CSMD1: variants seen among roughly 807,000 people sequenced by gnomAD.
CSMD1 encodes the protein CUB and Sushi multiple domains 1.
CSMD1 carries 213 observed loss-of-function variants against 417.5 expected under a neutral mutation model. That is an observed-to-expected ratio of 0.51 (90% CI 0.46 to 0.57). The LOEUF (loss-of-function observed/expected upper bound fraction) is 0.57, where lower values mean the gene tolerates loss of function less well. Ranked by LOEUF, CSMD1 falls within the 20% of genes least tolerant of loss-of-function variation. The pLI is 0.00. For missense variants in CSMD1, 6,923 were observed against 4,529.7 expected, an observed-to-expected ratio of 1.53 and a Z score of -15.17; for synonymous variants, 2,862 against 1,736.8, an observed-to-expected ratio of 1.65 and a Z score of -16.11.
chr8:3,079,248 G>A (rs1813910141), intron 49 of CSMD1, among the ~76,000 whole-genome samples: 1 of 152,082 alleles, frequency 6.6e-6, no homozygotes. Context: ...TGGACTGTGT[G>A]GATTCACATT....
intron 1 of CSMD1, among the ~76,000 whole-genome samples, chr8:4,645,440 G>C (rs1041049457): frequency 9.2e-5 from 2 of 21,646 alleles, no homozygotes; most frequent in African/African-American, 1.4e-4. Context: ...GTGTAGTGCA[G>C]GGGCAAAAAA....
intron 5 of CSMD1, among the ~76,000 whole-genome samples, chr8:3,866,875 G>T (rs1585113046): frequency 6.6e-6 from 1 of 152,252 alleles, no homozygotes; most frequent in Non-Finnish European, 1.5e-5. Context: ...CAGTTCTGCT[G>T]CAAATCCTCC....
chr8:3,519,646 C>T lies in CSMD1; in HGVS notation c.1345-25920G>A, dbSNP rs147424190. Reference sequence around the variant, plus strand: ...CTCAGCTATCTGTAGCACATGCATACGAAAGCTTATCAAGCAGCATGCAGG... The same window carrying T: ...CTCAGCTATCTGTAGCACATGCATATGAAAGCTTATCAAGCAGCATGCAGG... On this transcript the variant is annotated intron_variant, in intron 10 of 69. Transcript: ENST00000635120. Among the ~76,000 whole-genome samples, 9 of 152,168 alleles carry T rather than the reference C, an allele frequency of 5.9e-5. No individual in the cohort carries two copies. The East Asian group carries it at 7.7e-4, about 13-fold the overall frequency.
intron 49 of CSMD1, among the ~76,000 whole-genome samples, chr8:3,066,804 T>C (rs568897540): frequency 1.3e-5 from 2 of 152,308 alleles, no homozygotes; most frequent in Admixed American, 6.5e-5. Flanking sequence ...GAAACTCTTA[T>C]TTAAGCTCAT....
intron 3 of CSMD1, among the ~76,000 whole-genome samples, chr8:4,270,763 G>T (rs1017262443): frequency 1.3e-5 from 2 of 152,124 alleles, no homozygotes; most frequent in African/African-American, 4.8e-5. Context: ...CTCATCACCT[G>T]CACGGCACCC....
At chr8:3,421,400 G>A (rs543140878) in intron 12 of CSMD1, among the ~76,000 whole-genome samples, 55 of 152,268 alleles carry the variant, frequency 3.6e-4, no homozygotes, top group South Asian at 6.2e-4. Flanking sequence ...GCAAATGAGA[G>A]TTACTATATA....
At chr8:3,482,267 A>C (rs921476885) in intron 11 of CSMD1, among the ~76,000 whole-genome samples, 3 of 152,126 alleles carry the variant, frequency 2.0e-5, no homozygotes, top group Admixed American at 2.0e-4. Context: ...TACCCAAATA[A>C]TGAGGCTTAA....
chr8:3,139,822 GTC>G (rs1436125113), intron 41 of CSMD1, among the ~76,000 whole-genome samples: 1 of 151,966 alleles, frequency 6.6e-6, no homozygotes, highest in African/African-American at 2.4e-5. Context: ...TCTAAATAAT[GTC>G]TCTGAAATAG....
At chr8:3,303,322 G>C (rs984946786) in intron 25 of CSMD1, among the ~76,000 whole-genome samples, 1 of 152,106 alleles carries the variant, frequency 6.6e-6, no homozygotes, top group African/African-American at 2.4e-5. Context: ...AATATTCCTA[G>C]ATCTCCAGTG....
At chr8:4,008,724 C>T (rs776309055) in intron 4 of CSMD1, among the ~76,000 whole-genome samples, 13 of 150,126 alleles carry the variant, frequency 8.7e-5, no homozygotes, top group Admixed American at 2.0e-4. Flanking sequence ...CATTCTCCTG[C>T]CTCAGCCTCC....
At position 4,538,770 on chromosome 8, in the gene CSMD1, G is replaced by A. The variant is rs116936842; in HGVS notation, c.302+98572C>T. 4.6e-4 allele frequency among the ~76,000 whole-genome samples: 70 copies of A among 152,300 alleles called. No individual in the cohort carries two copies. In the East Asian group the frequency reaches 0.01, roughly 22 times the overall value. ...GATGAAGGGATTTGATGAAGTTAGT[G>A]TTTACCCATTTTACAGATAAGGAAA... On this transcript the variant is annotated intron_variant, in intron 2 of 69. Coordinates refer to ENST00000635120, the MANE Select transcript of CSMD1 (RefSeq NM_033225.6).
chr8:4,441,701 A>G (rs1206442462), intron 2 of CSMD1, among the ~76,000 whole-genome samples: 1 of 152,166 alleles, frequency 6.6e-6, no homozygotes, highest in Non-Finnish European at 1.5e-5. Flanking sequence ...AATACCAATT[A>G]AAACGTTTGA....
At chr8:3,511,581 C>T (rs965184793) in intron 10 of CSMD1, among the ~76,000 whole-genome samples, 4 of 151,232 alleles carry the variant, frequency 2.6e-5, no homozygotes, top group Non-Finnish European at 4.4e-5. Context: ...ATGGTGAAAC[C>T]CCTCTCTACT....
chr8:4,625,944 G>C (rs530851199), intron 2 of CSMD1, among the ~76,000 whole-genome samples: 1 of 152,056 alleles, frequency 6.6e-6, no homozygotes, highest in Non-Finnish European at 1.5e-5. Flanking sequence ...GGCTGGTCTC[G>C]AACTCCTGAC....
At chr8:3,892,781 A>C (rs1018185507) in intron 5 of CSMD1, among the ~76,000 whole-genome samples, 1 of 145,596 alleles carries the variant, frequency 6.9e-6, no homozygotes, top group Non-Finnish European at 1.5e-5. Flanking sequence ...TCGTAGGACA[A>C]TTTGGACAGT....
chr8:3,501,089 T>G (rs147035274), intron 10 of CSMD1, among the ~76,000 whole-genome samples: 1 of 152,164 alleles, frequency 6.6e-6, no homozygotes, highest in African/African-American at 2.4e-5. Flanking sequence ...AAAAATAAAA[T>G]ATACTATATA....
intron 22 of CSMD1, among the ~76,000 whole-genome samples, chr8:3,347,656 T>G (rs959835029): frequency 2.6e-5 from 4 of 152,216 alleles, no homozygotes; most frequent in African/African-American, 9.6e-5. Context: ...ATTATTGTAT[T>G]AAATCCTCAA....
chr8:4,221,273 A>G (rs1801013762), intron 3 of CSMD1, among the ~76,000 whole-genome samples: 2 of 151,946 alleles, frequency 1.3e-5, no homozygotes, highest in Non-Finnish European at 1.5e-5. Flanking sequence ...GCTCTGGAGA[A>G]TTTTCAGTTA....
intron 3 of CSMD1, among the ~76,000 whole-genome samples, chr8:4,050,842 G>A (rs187409699): frequency 6.6e-6 from 1 of 152,224 alleles, no homozygotes; most frequent in African/African-American, 2.4e-5. Flanking sequence ...TAAAATTTTA[G>A]AGAAGATTCT....
Sources: gnomAD v4.1 joint callset for allele counts (sites outside exome capture counted in the v4.1 genomes callset) on GRCh38, gnomAD v4.1.1 for gene constraint, MANE v1.5 for transcripts, NCBI Gene and HGNC (gene_info 2026-07-23, HGNC 2026-07-21) for gene names.